ADSS1: variants seen among roughly 807,000 people sequenced by gnomAD.
The protein encoded by ADSS1 is adenylosuccinate synthetase isozyme 1.
A neutral mutation model predicts 59.1 loss-of-function variants in ADSS1; 57 were observed. The ratio of observed to expected loss-of-function variants is 0.97; its 90% CI spans 0.78 to 1.20. The LOEUF (loss-of-function observed/expected upper bound fraction) is 1.20, where lower values mean the gene tolerates loss of function less well. Among genes scored for constraint, ADSS1 ranks in the 50% most tolerant of loss-of-function variants. ADSS1 has a pLI of 0.00. For missense variants in ADSS1, 603 were observed against 610.3 expected, an observed-to-expected ratio of 0.99 and a Z score of 0.13; for synonymous variants, 247 against 249.4, an observed-to-expected ratio of 0.99 and a Z score of 0.09.
At chr14:104,744,726 A>T in intron 10 of ADSS1, 86 bp from the exon 11 acceptor site, 2 of 1,318,300 alleles carry the variant, frequency 1.5e-6, no homozygotes. Context: ...TGTAAGTAAC[A>T]GAAGCGAGAG....
At position 104,730,236 on chromosome 14, in the gene ADSS1, G is replaced by A. The variant is rs966143813; in HGVS notation, c.193-4784G>A. 1.4e-5 allele frequency: 20 copies of A among 1,475,676 alleles called. No homozygotes were observed. In the Admixed American group the frequency reaches 1.8e-4, roughly 13 times the overall value. 91.4% of individuals were successfully genotyped at this position (1,475,676 alleles called of 1,614,324 possible). A position where few individuals can be genotyped will look rare whatever the true frequency, so the allele number is the denominator to read the frequency against. ...CGGGTGGGTGCGGTGGCGTACATCT[G>A]TAACTCCAGCACTTTGGGAGGCCGA... On this transcript the variant is annotated intron_variant, in intron 1 of 12. Transcript: ENST00000330877.
At chr14:104,736,511 C>T (rs946315344) in intron 2 of ADSS1, among the ~76,000 whole-genome samples, 1 of 152,176 alleles carries the variant, frequency 6.6e-6, no homozygotes, top group Non-Finnish European at 1.5e-5. Context: ...ATTTGGGTGA[C>T]CTTTTGTGCT....
intron 1 of ADSS1, chr14:104,730,345 C>T (rs925842035): frequency 3.8e-6 from 4 of 1,042,286 alleles, no homozygotes; most frequent in Non-Finnish European, 4.0e-6. Flanking sequence ...CAAAAATTAT[C>T]TGGGCATGCT....
intron 9 of ADSS1, 152 bp downstream of exon 9, chr14:104,742,154 C>A: frequency 2.5e-6 from 3 of 1,205,780 alleles, no homozygotes; most frequent in East Asian, 2.5e-5. Context: ...GCCGTGCAGG[C>A]CAGGGGAGAG....
chr14:104,728,987 G>A lies in ADSS1; in HGVS notation c.192+4525G>A, dbSNP rs1435790919. The stretch of plus-strand genomic sequence containing the variant: ...TGCAGTGGCGTTGAGGCACGGCGCC[G>A]TCAGACATGCAGTCCGCTAACGCTG... On this transcript the variant is annotated intron_variant, in intron 1 of 12. Transcript: ENST00000330877. Among the ~76,000 whole-genome samples, 5 of 152,210 alleles carry A rather than the reference G, an allele frequency of 3.3e-5. No individual in the cohort carries two copies. The East Asian group carries it at 7.7e-4, about 23-fold the overall frequency.
chr14:104,738,978 A>G (rs1471837111), intron 3 of ADSS1, among the ~76,000 whole-genome samples: 1 of 152,190 alleles, frequency 6.6e-6, no homozygotes, highest in East Asian at 1.9e-4. Flanking sequence ...GGGGGTACCC[A>G]GACTGAGGCC....
In ADSS1 at chr14:104,724,301, C is replaced by G. The variant is rs1184346389; in HGVS notation, c.31C>G (p.Pro11Ala). The change falls in exon 1 of 13, where the codon CCC becomes GCC. Residue 11 changes from proline (P) to alanine (A), a missense_variant. By Grantham distance (27) the Pro-to-Ala change is conservative. Transcript: ENST00000330877. ...GGGGACCCGAGCCTCCAACGACCGG[C>G]CCCCCGGCGCAGGCGGCGTCAAGCG... MSGTRASNDR[P>A]PGAGGVKRGR... is the part of the protein sequence containing the mutation. 8.1e-7 allele frequency: 1 copy of G among 1,232,834 alleles called. No individual in the cohort carries two copies. Among genetic ancestry groups the G allele is most frequent in the Non-Finnish European group, 1.0e-6 (1 of 986,394 alleles). 76.4% of individuals were successfully genotyped at this position (1,232,834 alleles called of 1,614,324 possible). A position where few individuals can be genotyped will look rare whatever the true frequency, so the allele number is the denominator to read the frequency against.
intron 2 of ADSS1, among the ~76,000 whole-genome samples, chr14:104,736,341 C>T (rs904725787): frequency 4.6e-5 from 7 of 152,242 alleles, no homozygotes; most frequent in Non-Finnish European, 7.3e-5. Flanking sequence ...CTTCTCCAGC[C>T]GCCAGCCTCG....
intron 12 of ADSS1, 141 bp downstream of exon 12, chr14:104,746,526 C>T (rs933793483): frequency 1.3e-5 from 16 of 1,248,092 alleles, no homozygotes; most frequent in African/African-American, 1.1e-4. Flanking sequence ...GAGGGGAGGA[C>T]GACTCGGAGC....
chr14:104,730,620 A>G (rs1192827055), intron 1 of ADSS1, among the ~76,000 whole-genome samples: 1 of 152,166 alleles, frequency 6.6e-6, no homozygotes, highest in African/African-American at 2.4e-5. Flanking sequence ...ATGTACATAT[A>G]TAAAATGCCT....
chr14:104,735,592 C>T (rs771815691), intron 2 of ADSS1, among the ~76,000 whole-genome samples: 1 of 152,208 alleles, frequency 6.6e-6, no homozygotes. Flanking sequence ...ATGTGGCCGT[C>T]CTCTTGCCTG....
chr14:104,724,610 A>C, intron 1 of ADSS1, 148 bp downstream of exon 1: 1 of 1,067,354 alleles, frequency 9.4e-7, no homozygotes, highest in Non-Finnish European at 1.2e-6. Flanking sequence ...GGGCCACCCC[A>C]CCCACGCACG....
intron 1 of ADSS1, among the ~76,000 whole-genome samples, chr14:104,733,784 C>T (rs1891016639): frequency 6.6e-6 from 1 of 152,196 alleles, no homozygotes; most frequent in Non-Finnish European, 1.5e-5. Flanking sequence ...GAAGGAGAGA[C>T]CAGACCAGTC....
chr14:104,730,115 G>T, intron 1 of ADSS1: 2 of 1,549,188 alleles, frequency 1.3e-6, no homozygotes, highest in Non-Finnish European at 1.7e-6. Context: ...GCTGGGAGAG[G>T]AGAGGGCTTG....
intron 1 of ADSS1, among the ~76,000 whole-genome samples, chr14:104,726,359 C>T (rs1396795225): frequency 3.9e-5 from 6 of 152,226 alleles, no homozygotes; most frequent in Non-Finnish European, 7.3e-5. Context: ...TCCCCACCTG[C>T]GAGTGCGGGG....
intron 2 of ADSS1, among the ~76,000 whole-genome samples, chr14:104,736,881 G>GATATATATATATATATATATATAT (rs57122419): frequency 1.3e-4 from 14 of 106,594 alleles, no homozygotes; most frequent in African/African-American, 2.8e-4. Flanking sequence ...GCACCTAGCT[G>GATATATATATATATATATATATAT]ATATATATAT....
intron 2 of ADSS1, 94 bp from the exon 3 acceptor site, chr14:104,738,282 G>A (rs960471633): frequency 7.4e-7 from 1 of 1,357,780 alleles, no homozygotes; most frequent in Admixed American, 1.7e-5. Flanking sequence ...ACAGGCATGA[G>A]CCACCGCACC....
rs1013557367 is a variant in ADSS1 at position 104,732,590 on chromosome 14, T to A, written c.193-2430T>A. Among the ~76,000 whole-genome samples the A allele has an allele frequency of 2.7e-4, 41 of 152,198 alleles. 2 individuals are homozygous for A. The highest frequency in any genetic ancestry group is 4.4e-5 in the Non-Finnish European group (3 of 68,004). On this transcript the variant is annotated intron_variant, in intron 1 of 12. Transcript: ENST00000330877. Reference sequence around the variant, plus strand: ...CCGCGCCTGTTCCTAGGAGCCTGTGTTTGCCCCCAACAGAGCCAGGGTGTG... The same window carrying A: ...CCGCGCCTGTTCCTAGGAGCCTGTGATTGCCCCCAACAGAGCCAGGGTGTG...
In ADSS1 at chr14:104,724,280, A is replaced by C; in HGVS notation, c.10A>C (p.Thr4Pro). The change falls in exon 1 of 13, where the codon ACC (threonine) becomes CCC (proline). Residue 4 changes from threonine (T) to proline (P), a missense_variant. Transcript: ENST00000330877. ...GAAGAGCCAAGCCAGCATGTCGGGG[A>C]CCCGAGCCTCCAACGACCGGCCCCC... MSG[T>P]RASNDRPPGA... 2 of 1,229,740 alleles carry C rather than the reference A, an allele frequency of 1.6e-6. No individual in the cohort carries two copies. The highest frequency in any genetic ancestry group is 2.0e-6 in the Non-Finnish European group (2 of 985,314). The allele number at this position is 1,229,740 out of a possible 1,614,324, so 76.2% of individuals were successfully genotyped here. A position where few individuals can be genotyped will look rare whatever the true frequency, so the allele number is the denominator to read the frequency against.
Sources: gnomAD v4.1 joint callset for allele counts (sites outside exome capture counted in the v4.1 genomes callset) on GRCh38, gnomAD v4.1.1 for gene constraint, MANE v1.5 for transcripts, NCBI Gene and HGNC (gene_info 2026-07-23, HGNC 2026-07-21) for gene names.